AXL: variants seen among roughly 807,000 people sequenced by gnomAD.
The protein encoded by AXL is tyrosine-protein kinase receptor UFO.
Under a neutral mutation model 104.5 loss-of-function variants are expected in AXL, and 52 were observed. The ratio of observed to expected loss-of-function variants is 0.50; its 90% CI spans 0.40 to 0.63. The LOEUF (loss-of-function observed/expected upper bound fraction) is 0.63, where lower values mean the gene tolerates loss of function less well. Ranked by LOEUF, AXL falls within the 20% of genes least tolerant of loss-of-function variation. The pLI, the probability that AXL is intolerant of heterozygous loss-of-function variation, is 0.00. For synonymous variants in AXL, 455 were observed against 473.7 expected, an observed-to-expected ratio of 0.96 and a Z score of 0.51; for missense variants, 1,024 against 1,188.5, an observed-to-expected ratio of 0.86 and a Z score of 2.04.
Position 41,237,986 on chromosome 19 carries a change from C to G in AXL, c.826C>G (p.Pro276Ala). 1 of 1,613,876 alleles carries G rather than the reference C, an allele frequency of 6.2e-7. No homozygotes were observed. Among genetic ancestry groups the G allele is most frequent in the Non-Finnish European group, 8.5e-7 (1 of 1,179,932 alleles). The change falls in exon 7 of 20, where the codon CCA becomes GCA. Residue 276 changes from proline to alanine, a missense_variant. By Grantham distance (27) the Pro-to-Ala change is conservative (BLOSUM62 -1). This residue lies in a region of AXL where 332 missense variants were observed against 343.9 expected (regional missense o/e 0.97). Coordinates refer to ENST00000301178, the MANE Select transcript of AXL (RefSeq NM_021913.5). Reference sequence around the variant, plus strand: ...TGGGATGGGCATCCAGGCGGGAGAACCAGACCCCCCAGAGGAGCCCCTCAC... The same window carrying G: ...TGGGATGGGCATCCAGGCGGGAGAAGCAGACCCCCCAGAGGAGCCCCTCAC... Reference protein sequence around the residue: ...DDGMGIQAGEPDPPEEPLTSQ... With the variant: ...DDGMGIQAGEADPPEEPLTSQ...
intron 19 of AXL, among the ~76,000 whole-genome samples, chr19:41,258,978 C>T (rs2034494805): frequency 6.6e-6 from 1 of 152,144 alleles, no homozygotes; most frequent in South Asian, 2.1e-4. Flanking sequence ...TAGCAGGAGG[C>T]TTCAGTTCGT....
intron 6 of AXL, among the ~76,000 whole-genome samples, chr19:41,234,543 A>T (rs1310513503): frequency 1.3e-5 from 2 of 152,190 alleles, no homozygotes; most frequent in Admixed American, 6.6e-5. Flanking sequence ...TAAAAAAAAG[A>T]AAAAAGAAAA....
chr19:41,252,169 A>G (rs2034375286), intron 14 of AXL, among the ~76,000 whole-genome samples, 182 bp from the exon 15 acceptor site: 1 of 149,752 alleles, frequency 6.7e-6, no homozygotes, highest in African/African-American at 2.4e-5. Flanking sequence ...TTATATACAC[A>G]CACACAGACA....
rs181885038 is a variant in AXL, at chr19:41,258,282, A to C, written c.2333+653A>C. On this transcript the variant is annotated intron_variant, in intron 19 of 19. Transcript: ENST00000301178. ...AGTAAAAATAACAGCTAACATTTTCATATAACTGACTAGAAGGCACTGTTT... is the reference window on the plus strand; with the variant it reads ...AGTAAAAATAACAGCTAACATTTTCCTATAACTGACTAGAAGGCACTGTTT... Among the ~76,000 whole-genome samples the C allele has an allele frequency of 6.6e-5, 10 of 152,364 alleles. No individual in the cohort carries two copies. In the East Asian group the frequency reaches 1.9e-3, roughly 29 times the overall value.
chr19:41,249,359 G>T (rs530019480), intron 14 of AXL, among the ~76,000 whole-genome samples: 15 of 152,338 alleles, frequency 9.8e-5, no homozygotes, highest in African/African-American at 2.9e-4. Context: ...GGACACTGAG[G>T]TGGGAGAATC....
chr19:41,248,212 C>T (rs1297131241), intron 12 of AXL, among the ~76,000 whole-genome samples: 1 of 152,262 alleles, frequency 6.6e-6, no homozygotes, highest in Non-Finnish European at 1.5e-5. Context: ...GCGTAAGCCA[C>T]TGTGCCCAGC....
At chr19:41,247,070 A>G (rs1286339033) in intron 12 of AXL, among the ~76,000 whole-genome samples, 1 of 152,242 alleles carries the variant, frequency 6.6e-6, no homozygotes, top group Admixed American at 6.5e-5. Context: ...GCCAGACACA[A>G]AAGAGAATAT....
rs116056574 is a variant in AXL, at chr19:41,253,732, C to A, written c.2036+24C>A. ...ATGTGAGTGCCTTTCAGGGACCCCC[C>A]CCCCCCAACTGCTCCTGCACTCCCT... On this transcript the variant is annotated intron_variant, in intron 17 of 19. Transcript: ENST00000301178. 6.9e-5 allele frequency: 107 copies of A among 1,542,270 alleles called. 1 individual carries two copies. Among genetic ancestry groups the A allele is most frequent in the Admixed American group, 5.3e-4 (29 of 54,708 alleles).
chr19:41,225,690 G>T (rs950641112), intron 4 of AXL, among the ~76,000 whole-genome samples: 2 of 152,118 alleles, frequency 1.3e-5, no homozygotes, highest in African/African-American at 4.8e-5. Context: ...GTGTCAGCCC[G>T]CGTGTATATG....
rs756031362 is a variant in AXL at position 41,242,838 on chromosome 19, G to C, written c.1313-45G>C. 7 of 1,610,386 alleles carry C rather than the reference G, an allele frequency of 4.3e-6. No homozygotes were observed. In the South Asian group the frequency reaches 6.6e-5, roughly 15 times the overall value. On this transcript the variant is annotated intron_variant, in intron 10 of 19. Transcript: ENST00000301178. ...CACCCCTTTGGGTCCCAGAGAGCTG[G>C]ATCCAAGGCTTCATCCATGACCTGT...
At chr19:41,226,292 C>A (rs1219851530) in intron 4 of AXL, among the ~76,000 whole-genome samples, 1 of 152,190 alleles carries the variant, frequency 6.6e-6, no homozygotes, top group Non-Finnish European at 1.5e-5. Context: ...CCAGCTCCCG[C>A]GCGCTGACCC....
chr19:41,219,312 T>C lies in AXL; in HGVS notation c.-81T>C. ...GTGCCAAATCCGGGGAGCCTGGAGC[T>C]GGGGGGAGGGCCGGGGACAGCCCGG... On this transcript the variant is annotated 5_prime_UTR_variant, in exon 1 of 20. Transcript: ENST00000301178. 7.3e-7 allele frequency: 1 copy of C among 1,371,200 alleles called. No individual in the cohort carries two copies. The highest frequency in any genetic ancestry group is 9.9e-7 in the Non-Finnish European group (1 of 1,012,164). The allele number at this position is 1,371,200 out of a possible 1,614,324, so 84.9% of individuals were successfully genotyped here.
At chr19:41,230,879 C>A in intron 4 of AXL, 88 bp from the exon 5 acceptor site, 1 of 1,387,164 alleles carries the variant, frequency 7.2e-7, no homozygotes, top group Non-Finnish European at 1.0e-6. Context: ...CCTGGTCAGG[C>A]AGGCCATGGT....
intron 6 of AXL, among the ~76,000 whole-genome samples, chr19:41,236,507 A>T (rs1056092474): frequency 6.7e-6 from 1 of 148,536 alleles, no homozygotes; most frequent in South Asian, 2.2e-4. Context: ...TAGGCCGGGC[A>T]CGGTGGCTCA....
chr19:41,225,727 T>C (rs1053750214), intron 4 of AXL, among the ~76,000 whole-genome samples: 4 of 152,166 alleles, frequency 2.6e-5, no homozygotes, highest in African/African-American at 4.8e-5. Context: ...TTTGTGTCAC[T>C]GTGTTTGTGA....
At chr19:41,250,985 G>A (rs1039098058) in intron 14 of AXL, among the ~76,000 whole-genome samples, 2 of 152,196 alleles carry the variant, frequency 1.3e-5, no homozygotes, top group Admixed American at 6.5e-5. Context: ...TGGGTCCCCA[G>A]GGCAGGTAGG....
intron 14 of AXL, 126 bp downstream of exon 14, chr19:41,248,946 C>T (rs2034316678): frequency 2.1e-6 from 2 of 954,268 alleles, no homozygotes; most frequent in East Asian, 2.6e-5. Flanking sequence ...GAGCCCCTGC[C>T]AGGTACCTCA....
chr19:41,251,271 C>T (rs573083342), intron 14 of AXL, among the ~76,000 whole-genome samples: 75 of 152,028 alleles, frequency 4.9e-4, no homozygotes, highest in African/African-American at 1.7e-3. Flanking sequence ...GACTCCCTCT[C>T]AAAAAATTGG....
At position 41,260,049 on chromosome 19, in the gene AXL, G is replaced by C; in HGVS notation, c.*145G>C. On this transcript the variant is annotated 3_prime_UTR_variant, in exon 20 of 20. Transcript: ENST00000301178. ...ACCTATCCCACCTCCATCCCAGACA[G>C]GTCCCTCCCCTTCTCTGTGCAGTAG... 3 of 689,250 alleles carry C rather than the reference G, an allele frequency of 4.4e-6. No individual in the cohort carries two copies. The highest frequency in any genetic ancestry group is 4.7e-6 in the Non-Finnish European group (2 of 422,388). 42.7% of individuals were successfully genotyped at this position (689,250 alleles called of 1,614,324 possible).
Sources: gnomAD v4.1 joint callset for allele counts (sites outside exome capture counted in the v4.1 genomes callset) on GRCh38, gnomAD v4.1.1 for gene constraint, gnomAD v4.1.1 regional missense constraint, MANE v1.5 for transcripts, NCBI Gene and HGNC (gene_info 2026-07-23, HGNC 2026-07-21) for gene names.